Variants in OPCML observed in about 807,000 individuals in gnomAD.
The protein encoded by OPCML is opioid binding protein/cell adhesion molecule like, also known as opioid-binding protein/cell adhesion molecule.
Under a neutral mutation model 37.8 loss-of-function variants are expected in OPCML, and 13 were observed. The observed-to-expected ratio is 0.34, with a 90% CI of 0.22 to 0.55. The LOEUF (loss-of-function observed/expected upper bound fraction) is 0.55. Ranked by LOEUF, OPCML falls within the 20% of genes least tolerant of loss-of-function variation. The pLI is 0.91. For synonymous variants in OPCML, 176 were observed against 168.8 expected (o/e 1.04, Z -0.33); for missense variants, 341 against 435.6 (o/e 0.78, Z 1.93).
At chr11:132,424,459 T>C (rs1230440969) in intron 7 of OPCML, among the ~76,000 whole-genome samples, 1 of 152,070 alleles carries the variant, frequency 6.6e-6, no homozygotes, top group African/African-American at 2.4e-5. Context: ...TCCAGAAAAC[T>C]GATGCTAAAA....
chr11:133,020,198 C>G (rs1208792442), intron 1 of OPCML, among the ~76,000 whole-genome samples: 1 of 152,202 alleles, frequency 6.6e-6, no homozygotes, highest in Non-Finnish European at 1.5e-5. Context: ...GGGTATTCTA[C>G]ATAAATATAC....
At chr11:133,204,850 T>TTATATATATATATGTGTGTATA (rs1938960469) in intron 1 of OPCML, among the ~76,000 whole-genome samples, 1 of 123,620 alleles carries the variant, frequency 8.1e-6, no homozygotes, top group Admixed American at 9.1e-5. Context: ...TTGTGATCTA[T>TTATATATATATATGTGTGTATA]TATATATATA....
intron 1 of OPCML, among the ~76,000 whole-genome samples, chr11:133,528,018 C>T (rs1948523289): frequency 6.6e-6 from 1 of 152,214 alleles, no homozygotes; most frequent in Non-Finnish European, 1.5e-5. Flanking sequence ...TGCCAGCTGT[C>T]TAAAGAATCT....
intron 2 of OPCML, among the ~76,000 whole-genome samples, chr11:132,814,008 C>T (rs1470048148): frequency 6.6e-6 from 1 of 152,192 alleles, no homozygotes; most frequent in Non-Finnish European, 1.5e-5. Context: ...CAAAGTTATC[C>T]TTTTCACACT....
intron 2 of OPCML, among the ~76,000 whole-genome samples, chr11:132,768,671 A>T (rs1318324451): frequency 1.3e-5 from 2 of 152,166 alleles, no homozygotes; most frequent in Non-Finnish European, 2.9e-5. Flanking sequence ...AAGGTAAGTC[A>T]TTTAAAGGAG....
chr11:133,218,709 C>T (rs533543878), intron 1 of OPCML, among the ~76,000 whole-genome samples: 6 of 152,228 alleles, frequency 3.9e-5, no homozygotes, highest in South Asian at 2.1e-4. Flanking sequence ...CCTGGACACA[C>T]GGTGTGATTA....
At chr11:133,006,598 C>G (rs1947117891) in intron 1 of OPCML, 1 of 985,318 alleles carries the variant, frequency 1.0e-6, no homozygotes, top group Non-Finnish European at 1.2e-6. Flanking sequence ...AAGTCGCTGG[C>G]CGAACCATGC....
chr11:132,872,492 C>A (rs987342256), intron 2 of OPCML, among the ~76,000 whole-genome samples: 3 of 152,082 alleles, frequency 2.0e-5, no homozygotes, highest in African/African-American at 4.8e-5. Flanking sequence ...CACAAGTGAG[C>A]AACTCCAGGC....
At chr11:132,623,496 C>G (rs1032609516) in intron 3 of OPCML, among the ~76,000 whole-genome samples, 1 of 152,142 alleles carries the variant, frequency 6.6e-6, no homozygotes, top group Non-Finnish European at 1.5e-5. Flanking sequence ...AAATTGCTCC[C>G]TGGAAAGTAC....
At chr11:133,521,100 G>A (rs777524364) in intron 1 of OPCML, among the ~76,000 whole-genome samples, 4 of 152,182 alleles carry the variant, frequency 2.6e-5, no homozygotes, top group South Asian at 2.1e-4. Context: ...GTCGCCTTCC[G>A]AAGCAAGGCA....
chr11:133,138,254 A>G (rs1949720555), intron 1 of OPCML, among the ~76,000 whole-genome samples: 1 of 152,196 alleles, frequency 6.6e-6, no homozygotes, highest in South Asian at 2.1e-4. Context: ...ACCAGAAGCC[A>G]AACAGATGCC....
intron 1 of OPCML, among the ~76,000 whole-genome samples, chr11:133,089,424 T>C (rs1283205517): frequency 6.6e-6 from 1 of 152,238 alleles, no homozygotes; most frequent in African/African-American, 2.4e-5. Flanking sequence ...TCTTATTAAT[T>C]GTAAACCACT....
chr11:132,729,290 C>T (rs1939525), intron 2 of OPCML, among the ~76,000 whole-genome samples: 90,412 of 151,962 alleles, frequency 0.59, 27,160 homozygotes, highest in Admixed American at 0.63. Context: ...TTTTAAAGCC[C>T]TCATGAATGG....
chr11:132,742,418 G>A (rs2031005099), intron 2 of OPCML, among the ~76,000 whole-genome samples: 1 of 152,170 alleles, frequency 6.6e-6, no homozygotes, highest in Non-Finnish European at 1.5e-5. Flanking sequence ...CCTCAATCAT[G>A]CAAGCACATA....
intron 1 of OPCML, among the ~76,000 whole-genome samples, chr11:132,985,130 C>G (rs979396830): frequency 6.6e-6 from 1 of 152,164 alleles, no homozygotes; most frequent in Non-Finnish European, 1.5e-5. Flanking sequence ...CACCCATGGC[C>G]TCCTGTGTTC....
chr11:132,955,963 T>G (rs1353730521), intron 1 of OPCML, among the ~76,000 whole-genome samples: 2 of 152,178 alleles, frequency 1.3e-5, no homozygotes, highest in Non-Finnish European at 2.9e-5. Context: ...CCAGAATAAT[T>G]CCTGGCATAT....
At chr11:133,153,432 G>A (rs1950015242) in intron 1 of OPCML, among the ~76,000 whole-genome samples, 1 of 152,198 alleles carries the variant, frequency 6.6e-6, no homozygotes, top group South Asian at 2.1e-4. Context: ...CCACACGGAA[G>A]GAGCACTGCA....
chr11:132,802,221 C>T (rs902345435), intron 2 of OPCML, among the ~76,000 whole-genome samples: 2 of 152,170 alleles, frequency 1.3e-5, no homozygotes, highest in African/African-American at 4.8e-5. Flanking sequence ...TCTCCTCCTT[C>T]CCCCAGCACA....
rs557152353 is a variant in OPCML, at chr11:132,561,761, T to G, written c.380-32575A>C. ...AAGAGACATAACTGTTAAACATCAC[T>G]TGTAACTCAGTGGACAACGATGGCA... On this transcript the variant is annotated intron_variant, in intron 3 of 7. Transcript: ENST00000524381. 5.0e-4 allele frequency among the ~76,000 whole-genome samples: 76 copies of G among 152,362 alleles called. 1 individual carries two copies. The highest frequency in any genetic ancestry group is 1.8e-3 in the African/African-American group (73 of 41,588).
Sources: gnomAD v4.1 joint callset for allele counts (sites outside exome capture counted in the v4.1 genomes callset) on GRCh38, gnomAD v4.1.1 for gene constraint, MANE v1.5 for transcripts, NCBI Gene and HGNC (gene_info 2026-07-23, HGNC 2026-07-21) for gene names.